Variants in SLC35A1 observed in about 807,000 individuals in gnomAD.
SLC35A1 encodes CMP-sialic acid transporter.
In SLC35A1, 21 loss-of-function variants were observed where a neutral mutation model predicts 40.3. That is an observed-to-expected ratio of 0.52 (90% CI 0.37 to 0.75). The LOEUF (loss-of-function observed/expected upper bound fraction) is 0.75, where lower values mean the gene tolerates loss of function less well. SLC35A1 is among the 30% of genes least tolerant of loss of function. The pLI is 0.00. For synonymous variants in SLC35A1, 146 were observed against 147.3 expected (o/e 0.99, Z 0.06); for missense variants, 297 against 382.1 (o/e 0.78, Z 1.86).
chr6:87,498,959 T>C (rs191161271), intron 2 of SLC35A1: 103 of 166,806 alleles, frequency 6.2e-4, no homozygotes, highest in African/African-American at 2.4e-3. Flanking sequence ...GCTTTTCGAA[T>C]AGAGTTTGTA....
intron 6 of SLC35A1, 53 bp downstream of exon 6, chr6:87,508,649 G>A: frequency 7.4e-7 from 1 of 1,348,990 alleles, no homozygotes; most frequent in South Asian, 1.2e-5. Flanking sequence ...TTTTTTTTAA[G>A]TTAGATGTCC....
chr6:87,495,253 C>T (rs939769956), intron 2 of SLC35A1, among the ~76,000 whole-genome samples: 1 of 152,234 alleles, frequency 6.6e-6, no homozygotes, highest in African/African-American at 2.4e-5. Flanking sequence ...AGCCGCTGCG[C>T]CAGCTCAAAC....
At chr6:87,481,280 G>A (rs1160935918) in intron 2 of SLC35A1, among the ~76,000 whole-genome samples, 1 of 151,952 alleles carries the variant, frequency 6.6e-6, no homozygotes, top group Non-Finnish European at 1.5e-5. Flanking sequence ...AGCCAGGCTT[G>A]GTGGCACATG....
chr6:87,480,702 G>A (rs996150951), intron 2 of SLC35A1, among the ~76,000 whole-genome samples: 5 of 152,200 alleles, frequency 3.3e-5, no homozygotes, highest in African/African-American at 1.2e-4. Context: ...CTAAAGTGGG[G>A]TTAGAGTTGC....
intron 2 of SLC35A1, among the ~76,000 whole-genome samples, chr6:87,478,595 G>T (rs141535629): frequency 9.7e-4 from 147 of 152,282 alleles, no homozygotes; most frequent in African/African-American, 3.4e-3. Flanking sequence ...TCAGCAGTGT[G>T]TGATGAGACA....
intron 2 of SLC35A1, chr6:87,499,041 T>G (rs570309843): frequency 9.5e-5 from 68 of 718,358 alleles, no homozygotes; most frequent in Non-Finnish European, 8.2e-5. Context: ...TTGGATTTGG[T>G]AATACAAAGA....
At position 87,473,407 on chromosome 6, in the gene SLC35A1, C is replaced by T. The variant is rs374377369; in HGVS notation, c.16+388C>T. Among the ~76,000 whole-genome samples, 3 of 152,188 alleles carry T rather than the reference C, an allele frequency of 2.0e-5. No homozygotes were observed. The South Asian group carries it at 6.2e-4, about 31-fold the overall frequency. On this transcript the variant is annotated intron_variant, in intron 1 of 7. Transcript: ENST00000369552. ...AGTTCTTCACCCTGGCCCCGCGGCTCCGGTCTCCTCTGCGCCTCCTACCCT... is the reference window on the plus strand; with the variant it reads ...AGTTCTTCACCCTGGCCCCGCGGCTTCGGTCTCCTCTGCGCCTCCTACCCT...
At chr6:87,501,441 T>C (rs1375272149) in intron 4 of SLC35A1, 131 bp downstream of exon 4, 27 of 899,456 alleles carry the variant, frequency 3.0e-5, no homozygotes, top group Non-Finnish European at 4.3e-5. Flanking sequence ...GCCTTATAGA[T>C]AGGCCTTTTT....
chr6:87,477,347 G>C lies in SLC35A1; in HGVS notation c.17-15G>C. ...TTGTCTACTAAGTAATGTCTTTGTT[G>C]CACGTATTTTCCAGACAATGTCACT... On this transcript the variant is annotated splice_polypyrimidine_tract_variant and intron_variant, in intron 1 of 7. Coordinates refer to ENST00000369552, the MANE Select transcript of SLC35A1 (RefSeq NM_006416.5). The C allele has an allele frequency of 6.2e-7, 1 of 1,606,858 alleles. No homozygotes were observed. Among genetic ancestry groups the C allele is most frequent in the Non-Finnish European group, 8.5e-7 (1 of 1,176,544 alleles).
chr6:87,488,656 G>C (rs1769455349), intron 2 of SLC35A1: 1 of 152,170 alleles, frequency 6.6e-6, no homozygotes, highest in Admixed American at 6.6e-5. Flanking sequence ...GTGCAAATTA[G>C]AATCTTCAGG....
intron 6 of SLC35A1, 82 bp from the exon 7 acceptor site, chr6:87,508,959 C>A (rs1280115785): frequency 1.4e-6 from 2 of 1,425,066 alleles, no homozygotes; most frequent in African/African-American, 2.8e-5. Flanking sequence ...AGTATGGCAT[C>A]TCTGGGGATG....
At chr6:87,501,011 A>G in intron 3 of SLC35A1, 147 bp from the exon 4 acceptor site, 2 of 787,918 alleles carry the variant, frequency 2.5e-6, no homozygotes, top group South Asian at 1.6e-5. Flanking sequence ...CGGCCTCCCA[A>G]AGTTCTGGGA....
intron 2 of SLC35A1, among the ~76,000 whole-genome samples, chr6:87,487,224 C>T (rs1769416441): frequency 6.6e-6 from 1 of 152,044 alleles, no homozygotes; most frequent in African/African-American, 2.4e-5. Context: ...AAGTGAGGGA[C>T]TAACATAGAA....
chr6:87,476,898 A>C (rs1769089066), intron 1 of SLC35A1, among the ~76,000 whole-genome samples: 1 of 152,042 alleles, frequency 6.6e-6, no homozygotes, highest in South Asian at 2.1e-4. Flanking sequence ...GTGGTAGTGC[A>C]CGCCTGTAGT....
chr6:87,490,419 C>T (rs1216475319), intron 2 of SLC35A1, among the ~76,000 whole-genome samples: 18 of 150,408 alleles, frequency 1.2e-4, no homozygotes, highest in Middle Eastern at 3.5e-3. Flanking sequence ...CTGCAGCCTC[C>T]GTCTCCTGGG....
chr6:87,500,457 CTT>C, intron 2 of SLC35A1, 49 bp from the exon 3 acceptor site: 2 of 1,566,044 alleles, frequency 1.3e-6, no homozygotes, highest in Non-Finnish European at 1.8e-6. Flanking sequence ...AAATAATACT[CTT>C]TAATTTTCTT....
At chr6:87,495,255 A>G (rs1401262662) in intron 2 of SLC35A1, among the ~76,000 whole-genome samples, 1 of 152,192 alleles carries the variant, frequency 6.6e-6, no homozygotes, top group Non-Finnish European at 1.5e-5. Flanking sequence ...CCGCTGCGCC[A>G]GCTCAAACAA....
At position 87,510,689 on chromosome 6, in the gene SLC35A1, A is replaced by G. The variant is rs546380159; in HGVS notation, c.887-710A>G. On this transcript the variant is annotated intron_variant, in intron 7 of 7. Coordinates refer to ENST00000369552, the MANE Select transcript of SLC35A1 (RefSeq NM_006416.5). ...CTGAGGTTGGGGACCAGCCTGACCAACGTGGAGAAATCCTGTCTCTACTAA... is the reference window on the plus strand; with the variant it reads ...CTGAGGTTGGGGACCAGCCTGACCAGCGTGGAGAAATCCTGTCTCTACTAA... Among the ~76,000 whole-genome samples, 55 of 152,196 alleles carry G rather than the reference A, an allele frequency of 3.6e-4. No individual in the cohort carries two copies. The East Asian group carries it at 9.5e-3, about 26-fold the overall frequency.
chr6:87,509,883 A>G (rs1443305661), intron 7 of SLC35A1, among the ~76,000 whole-genome samples: 12 of 152,190 alleles, frequency 7.9e-5, no homozygotes, highest in Admixed American at 7.2e-4. Context: ...AATTTTCTTT[A>G]CTGATCAATT....
Sources: allele counts gnomAD v4.1 joint callset (sites outside exome capture counted in the v4.1 genomes callset), GRCh38; gene constraint gnomAD v4.1.1; transcripts MANE v1.5; gene names NCBI Gene and HGNC (gene_info 2026-07-23, HGNC 2026-07-21).